The following CA1 variants were observed in gnomAD, a reference collection of about 807,000 sequenced individuals.
CA1 encodes the protein carbonate dehydratase I.
Under a neutral mutation model 28.8 loss-of-function variants are expected in CA1, and 27 were observed. The ratio of observed to expected loss-of-function variants is 0.94; its 90% confidence interval spans 0.69 to 1.29. The LOEUF is 1.29. CA1 is among the 50% of genes most tolerant of loss of function. CA1 has a pLI of 0.00. For missense variants in CA1, 335 were observed against 310.5 expected (o/e 1.08, Z -0.59); for synonymous variants, 121 against 108.8 (o/e 1.11, Z -0.70).
intron 7 of CA1, 40 bp from the exon 8 acceptor site, chr8:85,328,716 A>G: frequency 7.7e-7 from 1 of 1,295,934 alleles, no homozygotes; most frequent in Non-Finnish European, 1.1e-6. Flanking sequence ...AAGTTTTTAA[A>G]GTTACATAAA....
At chr8:85,338,897 G>A (rs1369467415) in intron 2 of CA1, among the ~76,000 whole-genome samples, 1 of 151,642 alleles carries the variant, frequency 6.6e-6, no homozygotes, top group Non-Finnish European at 1.5e-5. Flanking sequence ...TGTATTTTTA[G>A]TAGAGATGGG....
chr8:85,365,606 G>A (rs1381413562), intron 1 of CA1, among the ~76,000 whole-genome samples: 1 of 152,130 alleles, frequency 6.6e-6, no homozygotes, highest in Non-Finnish European at 1.5e-5. Context: ...CTTTGCTTGT[G>A]TTATATTCTA....
chr8:85,368,443 C>G (rs1810091890), intron 1 of CA1, among the ~76,000 whole-genome samples: 1 of 152,054 alleles, frequency 6.6e-6, no homozygotes, highest in South Asian at 2.1e-4. Context: ...GCTGAGATTA[C>G]AGGTGTGAGC....
At chr8:85,373,791 G>A (rs943474130) in intron 1 of CA1, among the ~76,000 whole-genome samples, 6 of 152,164 alleles carry the variant, frequency 3.9e-5, no homozygotes, top group African/African-American at 1.4e-4. Context: ...TATGGAGGAA[G>A]ATTGAAGACA....
intron 1 of CA1, among the ~76,000 whole-genome samples, chr8:85,357,717 T>C (rs1268766193): frequency 6.6e-6 from 1 of 152,222 alleles, no homozygotes; most frequent in Non-Finnish European, 1.5e-5. Context: ...CCTATTAGGC[T>C]GGACGGGATA....
At chr8:85,369,065 C>A (rs1235577949) in intron 1 of CA1, among the ~76,000 whole-genome samples, 1 of 152,146 alleles carries the variant, frequency 6.6e-6, no homozygotes, top group Non-Finnish European at 1.5e-5. Context: ...GTAGCCATTT[C>A]TCTCCCAGCC....
chr8:85,330,825 C>T (rs1808367195), intron 6 of CA1, among the ~76,000 whole-genome samples: 2 of 152,084 alleles, frequency 1.3e-5, no homozygotes, highest in African/African-American at 4.8e-5. Flanking sequence ...TCAGAAACTA[C>T]TCTTTTAAAA....
At chr8:85,347,407 C>A (rs1188829428) in intron 1 of CA1, among the ~76,000 whole-genome samples, 12 of 152,174 alleles carry the variant, frequency 7.9e-5, no homozygotes, top group Non-Finnish European at 5.9e-5. Flanking sequence ...TCCACCCTCA[C>A]AATCTAATTA....
In CA1 at chr8:85,329,630, A is replaced by G. The variant is rs544269116; in HGVS notation, c.669+59T>C. ...AATAATAATCTCTCTCACTGATACT[A>G]TCAATTAAAGTAATATTCCTGCTAC... On this transcript the variant is annotated intron_variant, in intron 7 of 7. Coordinates refer to ENST00000523022, the MANE Select transcript of CA1 (RefSeq NM_001128831.4). The G allele has an allele frequency of 3.0e-4, 415 of 1,370,094 alleles. 6 individuals are homozygous for G. The South Asian group carries it at 4.8e-3, about 16-fold the overall frequency. 84.9% of individuals were successfully genotyped at this position (1,370,094 alleles called of 1,614,324 possible).
At position 85,328,124 on chromosome 8, in the gene CA1, T is replaced by G. The variant is rs1808247053; in HGVS notation, c.*436A>C. The G allele has an allele frequency of 1.9e-5, 3 of 157,826 alleles. No individual in the cohort carries two copies. Among genetic ancestry groups the G allele is most frequent in the Non-Finnish European group, 4.2e-5 (3 of 71,848 alleles). The allele number at this position is 157,826 out of a possible 1,614,324, so 9.8% of individuals were successfully genotyped here. ...ATTTCATCTCCAGCTGCTCTTAGGTTGTTGTATTTGAAGCAAAATACTCTT... is the reference window on the plus strand; with the variant it reads ...ATTTCATCTCCAGCTGCTCTTAGGTGGTTGTATTTGAAGCAAAATACTCTT... On this transcript the variant is annotated 3_prime_UTR_variant, in exon 8 of 8. Transcript: ENST00000523022.
At chr8:85,344,856 A>T (rs1314771039) in intron 1 of CA1, among the ~76,000 whole-genome samples, 1 of 152,178 alleles carries the variant, frequency 6.6e-6, no homozygotes, top group African/African-American at 2.4e-5. Context: ...CTTTCCTGGG[A>T]TTCATATTTT....
Position 85,328,624 on chromosome 8 carries a change from G to T in CA1, c.722C>A (p.Pro241His). 4 of 1,611,540 alleles carry T rather than the reference G, an allele frequency of 2.5e-6. No homozygotes were observed. Among genetic ancestry groups the T allele is most frequent in the Non-Finnish European group, 3.4e-6 (4 of 1,178,244 alleles). ...GGTTGGGCGGTTGTTGTGCTGCATGGGGACAGCGTTATCACCTTCAACATT... is the reference window on the plus strand; with the variant it reads ...GGTTGGGCGGTTGTTGTGCTGCATGTGGACAGCGTTATCACCTTCAACATT... Reference protein sequence around the residue: ...LSNVEGDNAVPMQHNNRPTQP... With the variant: ...LSNVEGDNAVHMQHNNRPTQP... Residue 241 changes from proline (P) to histidine (H), a missense_variant, in exon 8 of 8, where the codon CCC (proline) becomes CAC (histidine). Transcript: ENST00000523022.
At chr8:85,346,982 A>C (rs896710394) in intron 1 of CA1, among the ~76,000 whole-genome samples, 7 of 152,196 alleles carry the variant, frequency 4.6e-5, no homozygotes, top group African/African-American at 1.7e-4. Context: ...AAAAGAGATA[A>C]GTTCTCAAGT....
intron 1 of CA1, among the ~76,000 whole-genome samples, chr8:85,364,074 C>G (rs1168112904): frequency 6.6e-6 from 1 of 152,036 alleles, no homozygotes; most frequent in Non-Finnish European, 1.5e-5. Flanking sequence ...CTCCTGGGCT[C>G]AAGCGATCTG....
rs537627284 is a variant in CA1 at position 85,342,751 on chromosome 8, T to C, written c.-24-1092A>G. 3.3e-5 allele frequency: 5 copies of C among 152,280 alleles called. No individual in the cohort carries two copies. The East Asian group carries it at 7.7e-4, about 23-fold the overall frequency. The allele number at this position is 152,280 out of a possible 1,614,324, so 9.4% of individuals were successfully genotyped here. A position where few individuals can be genotyped will look rare whatever the true frequency, so the allele number is the denominator to read the frequency against. ...AGAAAACCGGAAAAATAAGCTACCATAGTGATGCTTTTTTCATGCCATGAC... is the reference window on the plus strand; with the variant it reads ...AGAAAACCGGAAAAATAAGCTACCACAGTGATGCTTTTTTCATGCCATGAC... On this transcript the variant is annotated intron_variant, in intron 1 of 7. Coordinates refer to ENST00000523022, the MANE Select transcript of CA1 (RefSeq NM_001128831.4).
chr8:85,341,632 C>T lies in CA1; in HGVS notation c.4G>A (p.Ala2Thr). 1 of 1,593,384 alleles carries T rather than the reference C, an allele frequency of 6.3e-7. No homozygotes were observed. Among genetic ancestry groups the T allele is most frequent in the Non-Finnish European group, 8.6e-7 (1 of 1,161,456 alleles). The change falls in exon 2 of 8, where the codon GCA becomes ACA. Residue 2 changes from alanine (A) to threonine (T), a missense_variant. By Grantham distance (58) the Ala-to-Thr change is moderately conservative. Coordinates refer to ENST00000523022, the MANE Select transcript of CA1 (RefSeq NM_001128831.4). ...TCATCATATCCCCAGTCTGGACTTG[C>T]CATTATCTTCTACTGAGTTTTCTTT... The part of the protein sequence containing the change: M[A>T]SPDWGYDDKN...
intron 6 of CA1, among the ~76,000 whole-genome samples, chr8:85,330,607 T>A (rs1378951576): frequency 1.3e-5 from 2 of 152,164 alleles, no homozygotes; most frequent in African/African-American, 2.4e-5. Context: ...CTAGGTAAAT[T>A]CTTTATCAAA....
chr8:85,331,380 T>C (rs1338158137), intron 6 of CA1, among the ~76,000 whole-genome samples: 1 of 152,118 alleles, frequency 6.6e-6, no homozygotes, highest in Non-Finnish European at 1.5e-5. Context: ...TTGTTGTTCT[T>C]CCAAAGAATC....
In CA1 at chr8:85,331,658, A is replaced by C. The variant is rs575724347; in HGVS notation, c.513+832T>G. ...TTTTTAGTAGAGATGGGATTTCACT[A>C]TGTTGGCCAGGCTGGTCTTGAACTC... On this transcript the variant is annotated intron_variant, in intron 6 of 7. Transcript: ENST00000523022. Among the ~76,000 whole-genome samples, 4 of 151,804 alleles carry C rather than the reference A, an allele frequency of 2.6e-5. No individual in the cohort carries two copies. In the South Asian group the frequency reaches 8.3e-4, roughly 31 times the overall value.
Sources: gnomAD v4.1 joint callset for allele counts (sites outside exome capture counted in the v4.1 genomes callset) on GRCh38, gnomAD v4.1.1 for gene constraint, MANE v1.5 for transcripts, NCBI Gene and HGNC (gene_info 2026-07-23, HGNC 2026-07-21) for gene names.